Variants in BCAS3 observed in about 807,000 individuals in gnomAD.
The protein encoded by BCAS3 is BCAS3 microtubule associated cell migration factor, also known as BCAS4/BCAS3 fusion.
A neutral mutation model predicts 116.1 loss-of-function variants in BCAS3; 53 were observed. The observed-to-expected ratio is 0.46, with a 90% CI of 0.37 to 0.57. BCAS3 has a LOEUF of 0.57. Among genes scored for constraint, BCAS3 ranks in the 20% least tolerant of loss-of-function variants. BCAS3 has a pLI of 0.00. For missense variants in BCAS3, 917 were observed against 1,165.4 expected (o/e 0.79, Z 3.10); for synonymous variants, 391 against 408.2 (o/e 0.96, Z 0.51).
rs1250305612 is a variant in BCAS3, at chr17:61,337,202, C to T, written c.2426-31125C>T. ...CCTTTTTTATACTTTATTTAAATCG[C>T]CTCACCCGAGTGGAACAGGGACGTG... On this transcript the variant is annotated intron_variant, in intron 22 of 23. Transcript: ENST00000407086. The surrounding 1 kb of genome is among the most constrained non-coding windows in gnomAD (Gnocchi z 4.8). Among the ~76,000 whole-genome samples the T allele has an allele frequency of 6.6e-6, 1 of 152,148 alleles. No individual in the cohort carries two copies. Among genetic ancestry groups the T allele is most frequent in the South Asian group, 2.1e-4 (1 of 4,820 alleles).
In BCAS3 at chr17:61,349,066, T is replaced by C. The variant is rs1342840921; in HGVS notation, c.2426-19261T>C. Among the ~76,000 whole-genome samples the C allele has an allele frequency of 5.9e-5, 9 of 152,124 alleles. No homozygotes were observed. The highest frequency in any genetic ancestry group is 2.2e-4 in the African/African-American group (9 of 41,424). On this transcript the variant is annotated intron_variant, in intron 22 of 23. Coordinates refer to ENST00000407086, the MANE Select transcript of BCAS3 (RefSeq NM_017679.5). This position sits in a 1 kb window ranked among gnomAD's most constrained non-coding sequence, Gnocchi z 4.7. The stretch of plus-strand genomic sequence containing the variant: ...CGTGCCCGGCCCTCTTGGGCAGAGA[T>C]TCTTAAGGCTGGATTTGAGGACCCG...
chr17:61,046,620 G>C (rs573264236), intron 19 of BCAS3, among the ~76,000 whole-genome samples: 1 of 151,616 alleles, frequency 6.6e-6, no homozygotes, highest in South Asian at 2.1e-4. Flanking sequence ...CAAGAAAAAA[G>C]TCTAGACATG....
intron 5 of BCAS3, among the ~76,000 whole-genome samples, chr17:60,710,258 G>A (rs1201198507): frequency 6.6e-6 from 1 of 152,212 alleles, no homozygotes; most frequent in East Asian, 1.9e-4. Flanking sequence ...GTTTCAGCCA[G>A]AATTTTTTTC....
At chr17:60,803,705 G>T (rs1352085648) in intron 6 of BCAS3, among the ~76,000 whole-genome samples, 1 of 150,664 alleles carries the variant, frequency 6.6e-6, no homozygotes, top group African/African-American at 2.4e-5. Context: ...TATTCACATG[G>T]TTTGAAAATG....
In BCAS3 at chr17:61,281,661, G is replaced by GT. The variant is rs555970380; in HGVS notation, c.2426-86660dup. Among the ~76,000 whole-genome samples the GT allele has an allele frequency of 6.8e-4, 104 of 151,988 alleles. No homozygotes were observed. The highest frequency in any genetic ancestry group is 2.4e-3 in the African/African-American group (101 of 41,478). The stretch of plus-strand genomic sequence containing the variant: ...TGGTCTTTACCCATCTTTATACTGG[G>GT]TTTTTTATCTTATTCATATTGATTT... On this transcript the variant is annotated intron_variant, in intron 22 of 23. Coordinates refer to ENST00000407086, the MANE Select transcript of BCAS3 (RefSeq NM_017679.5). This position sits in a 1 kb window ranked among gnomAD's most constrained non-coding sequence, Gnocchi z 4.2.
At chr17:60,781,061 T>A (rs932815770) in intron 6 of BCAS3, among the ~76,000 whole-genome samples, 37 of 151,898 alleles carry the variant, frequency 2.4e-4, no homozygotes, top group African/African-American at 8.0e-4. Context: ...CTCCAACTAC[T>A]GGGTTCAAGC....
chr17:61,262,377 G>A (rs1440319932), intron 22 of BCAS3, among the ~76,000 whole-genome samples: 1 of 77,256 alleles, frequency 1.3e-5, no homozygotes, highest in Non-Finnish European at 2.5e-5. Flanking sequence ...TCATAGATAG[G>A]GAGACTTTTT....
chr17:60,795,246 C>G (rs1317606778), intron 6 of BCAS3, among the ~76,000 whole-genome samples: 1 of 152,074 alleles, frequency 6.6e-6, no homozygotes, highest in Non-Finnish European at 1.5e-5. Context: ...AGAAGAACTA[C>G]TGATTTGTGT....
At chr17:60,821,488 T>C (rs1319014061) in intron 7 of BCAS3, among the ~76,000 whole-genome samples, 1 of 152,206 alleles carries the variant, frequency 6.6e-6, no homozygotes, top group Non-Finnish European at 1.5e-5. Context: ...AGTTTCCTCA[T>C]GTCTCTTTGT....
intron 22 of BCAS3, among the ~76,000 whole-genome samples, chr17:61,329,343 A>ATTATTTTTTTTTTTTTTTTTTTTTT (rs1555831750): frequency 7.6e-6 from 1 of 131,280 alleles, no homozygotes; most frequent in African/African-American, 2.9e-5. Flanking sequence ...TATTATTATT[A>ATTATTTTTTTTTTTTTTTTTTTTTT]TTTTTTTTTT....
rs2059405674 is a variant in BCAS3, at chr17:61,377,757, ACT to A, written c.2593+9266_2593+9267del. On this transcript the variant is annotated intron_variant, in intron 23 of 23. Coordinates refer to ENST00000407086, the MANE Select transcript of BCAS3 (RefSeq NM_017679.5). This position sits in a 1 kb window ranked among gnomAD's most constrained non-coding sequence, Gnocchi z 4.6. ...CTCCCGTGGGACTTGTACGCCTAAGACTCTGCCTGCCACATAAATGTCCTCTA... is the reference window on the plus strand; with the variant it reads ...CTCCCGTGGGACTTGTACGCCTAAGACTGCCTGCCACATAAATGTCCTCTA... The A allele has an allele frequency of 1.3e-5, 2 of 151,972 alleles. No homozygotes were observed. The highest frequency in any genetic ancestry group is 4.8e-5 in the African/African-American group (2 of 41,334). The allele number at this position is 151,972 out of a possible 1,614,324, so 9.4% of individuals were successfully genotyped here.
rs1248761623 is a variant in BCAS3 at position 61,222,131 on chromosome 17, A to G, written c.2425+137567A>G. Among the ~76,000 whole-genome samples, 1 of 152,230 alleles carries G rather than the reference A, an allele frequency of 6.6e-6. No homozygotes were observed. The highest frequency in any genetic ancestry group is 1.9e-4 in the East Asian group (1 of 5,202). Reference sequence around the variant, plus strand: ...GGAATTTGTTAACAGTCATGCCGACATAGATACAAATATAGAGAACATATA... The same window carrying G: ...GGAATTTGTTAACAGTCATGCCGACGTAGATACAAATATAGAGAACATATA... On this transcript the variant is annotated intron_variant, in intron 22 of 23. Coordinates refer to ENST00000407086, the MANE Select transcript of BCAS3 (RefSeq NM_017679.5). This position sits in a 1 kb window ranked among gnomAD's most constrained non-coding sequence, Gnocchi z 6.1.
At chr17:60,959,776 T>G (rs536621246) in intron 14 of BCAS3, among the ~76,000 whole-genome samples, 2 of 152,312 alleles carry the variant, frequency 1.3e-5, no homozygotes, top group East Asian at 3.9e-4. Flanking sequence ...TCCTACAGTT[T>G]TGGAGGGCAA....
At chr17:61,153,065 T>C (rs979322423) in intron 22 of BCAS3, among the ~76,000 whole-genome samples, 1 of 152,230 alleles carries the variant, frequency 6.6e-6, no homozygotes, top group African/African-American at 2.4e-5. Context: ...TGTCTGTCAG[T>C]AGAAGCTGGA....
chr17:60,859,319 T>C (rs895394428), intron 7 of BCAS3, among the ~76,000 whole-genome samples: 1 of 152,048 alleles, frequency 6.6e-6, no homozygotes, highest in Admixed American at 6.5e-5. Flanking sequence ...ACCCGATAGG[T>C]AGTTTTTTGA....
At chr17:60,856,950 T>A (rs2053733450) in intron 7 of BCAS3, among the ~76,000 whole-genome samples, 1 of 152,210 alleles carries the variant, frequency 6.6e-6, no homozygotes, top group Non-Finnish European at 1.5e-5. Context: ...CCTTTGGCTG[T>A]TGTAATATAT....
chr17:60,958,338 A>G (rs1222010328), intron 14 of BCAS3, among the ~76,000 whole-genome samples: 1 of 152,200 alleles, frequency 6.6e-6, no homozygotes, highest in Non-Finnish European at 1.5e-5. Flanking sequence ...ATGTTGAAAA[A>G]CTAAAGGATT....
chr17:61,074,374 T>A (rs1244755553), intron 19 of BCAS3, among the ~76,000 whole-genome samples: 1 of 152,166 alleles, frequency 6.6e-6, no homozygotes, highest in Non-Finnish European at 1.5e-5. Context: ...TTTTGAATCA[T>A]TGTATTGTTT....
intron 6 of BCAS3, among the ~76,000 whole-genome samples, chr17:60,769,040 GTGGTAT>G (rs2044388365): frequency 6.6e-6 from 1 of 152,188 alleles, no homozygotes; most frequent in Non-Finnish European, 1.5e-5. Flanking sequence ...GCCAGCTCTG[GTGGTAT>G]TGGCAGGTTG....
Sources: allele counts gnomAD v4.1 joint callset (sites outside exome capture counted in the v4.1 genomes callset), GRCh38; gene constraint gnomAD v4.1.1; non-coding constraint Gnocchi (gnomAD v3.1); transcripts MANE v1.5; gene names NCBI Gene and HGNC (gene_info 2026-07-23, HGNC 2026-07-21).